The following PHKB variants were observed in gnomAD, a reference collection of about 807,000 sequenced individuals.
PHKB encodes phosphorylase b kinase regulatory subunit beta.
Under a neutral mutation model 152.1 loss-of-function variants are expected in PHKB, and 122 were observed. The observed-to-expected ratio is 0.80, with a 90% confidence interval of 0.69 to 0.93. The LOEUF (loss-of-function observed/expected upper bound fraction) is 0.93. Among genes scored for constraint, PHKB ranks in the 40% least tolerant of loss-of-function variants. The pLI is 0.00. For synonymous variants in PHKB, 436 were observed against 464.9 expected (o/e 0.94, Z 0.80); for missense variants, 1,304 against 1,328.4 (o/e 0.98, Z 0.29).
chr16:47,545,840 T>C (rs1359101999), intron 6 of PHKB, among the ~76,000 whole-genome samples: 1 of 152,240 alleles, frequency 6.6e-6, no homozygotes, highest in African/African-American at 2.4e-5. Context: ...TTCATTCATT[T>C]GATCTTCAAT....
At chr16:47,480,667 A>G (rs1388605498) in intron 1 of PHKB, among the ~76,000 whole-genome samples, 1 of 152,222 alleles carries the variant, frequency 6.6e-6, no homozygotes, top group South Asian at 2.1e-4. Context: ...AGTACCTTCA[A>G]TATCCATTGT....
At chr16:47,656,306 C>T (rs1052449561) in intron 20 of PHKB, among the ~76,000 whole-genome samples, 5 of 152,156 alleles carry the variant, frequency 3.3e-5, no homozygotes, top group Non-Finnish European at 5.9e-5. Context: ...CGTGAGCCAC[C>T]GCGCCTGGCC....
At chr16:47,588,268 A>T (rs1438799326) in intron 9 of PHKB, among the ~76,000 whole-genome samples, 1 of 151,796 alleles carries the variant, frequency 6.6e-6, no homozygotes, top group Non-Finnish European at 1.5e-5. Context: ...AGTTATTCAA[A>T]ACAACTCTTT....
chr16:47,629,224 G>A (rs1488666325), intron 14 of PHKB, among the ~76,000 whole-genome samples: 1 of 152,076 alleles, frequency 6.6e-6, no homozygotes, highest in Non-Finnish European at 1.5e-5. Context: ...ACCACCATCA[G>A]AGTGAACAGG....
intron 8 of PHKB, among the ~76,000 whole-genome samples, chr16:47,585,358 G>C (rs1197190197): frequency 2.0e-5 from 3 of 152,194 alleles, no homozygotes; most frequent in African/African-American, 7.2e-5. Context: ...GAATCTAAAA[G>C]GTAATGACTA....
chr16:47,678,282 C>G (rs1341636954), intron 26 of PHKB, among the ~76,000 whole-genome samples: 2 of 152,094 alleles, frequency 1.3e-5, no homozygotes, highest in Non-Finnish European at 2.9e-5. Flanking sequence ...TGGGTATATA[C>G]CCAGTAATGG....
chr16:47,650,563 A>C lies in PHKB; in HGVS notation c.1817A>C (p.Lys606Thr). Residue 606 changes from lysine (K) to threonine (T), a missense_variant, in exon 19 of 31, where the codon AAA becomes ACA. Transcript: ENST00000323584. The stretch of plus-strand genomic sequence containing the variant: ...TGACAGAATGCGCTGCAGTTCATTA[A>C]ACAATATTGGAAAATGCATGGACGT... ...DDIKNALQFI[K>T]QYWKMHGRPL... 1 of 1,606,362 alleles carries C rather than the reference A, an allele frequency of 6.2e-7. No homozygotes were observed.
At chr16:47,691,571 G>A (rs559105789) in intron 27 of PHKB, among the ~76,000 whole-genome samples, 129 of 152,162 alleles carry the variant, frequency 8.5e-4, no homozygotes, top group African/African-American at 2.9e-3. Context: ...TGGATGTGGC[G>A]GCACATGCCT....
intron 14 of PHKB, among the ~76,000 whole-genome samples, chr16:47,632,279 C>G (rs1264463392): frequency 1.3e-5 from 2 of 152,128 alleles, no homozygotes; most frequent in African/African-American, 2.4e-5. Flanking sequence ...GTAACCATAA[C>G]CATTTCCAGA....
At chr16:47,586,915 G>A (rs1971943933) in intron 8 of PHKB, among the ~76,000 whole-genome samples, 2 of 150,822 alleles carry the variant, frequency 1.3e-5, no homozygotes, top group African/African-American at 4.9e-5. Flanking sequence ...TTTCTTACTT[G>A]AAATATATAT....
At position 47,659,361 on chromosome 16, in the gene PHKB, T is replaced by C. The variant is rs533043427; in HGVS notation, c.1972-1145T>C. On this transcript the variant is annotated intron_variant, in intron 20 of 30. Coordinates refer to ENST00000323584, the MANE Select transcript of PHKB (RefSeq NM_000293.3). ...ACATTTGAGATGAACAGTGAGAAAA[T>C]AGAGAAAATAATATATGTTATAAAT... 4.0e-3 allele frequency among the ~76,000 whole-genome samples: 603 copies of C among 152,218 alleles called. 5 individuals carry two copies. Among genetic ancestry groups the C allele is most frequent in the Non-Finnish European group, 4.9e-3 (336 of 67,988 alleles).
intron 13 of PHKB, among the ~76,000 whole-genome samples, chr16:47,599,516 C>T (rs1053865362): frequency 6.6e-6 from 1 of 152,036 alleles, no homozygotes; most frequent in African/African-American, 2.4e-5. Flanking sequence ...TTGAACTTTC[C>T]GTAATAAATG....
intron 7 of PHKB, among the ~76,000 whole-genome samples, chr16:47,569,633 A>G (rs1971624556): frequency 6.6e-6 from 1 of 151,826 alleles, no homozygotes; most frequent in South Asian, 2.1e-4. Flanking sequence ...ATATGTATTT[A>G]TTTGTTGGGA....
chr16:47,524,889 A>G (rs73549315), intron 6 of PHKB, among the ~76,000 whole-genome samples: 10,721 of 152,206 alleles, frequency 0.07, 627 homozygotes, highest in African/African-American at 0.16. Flanking sequence ...TCTTTTTACT[A>G]TATCATGAAA....
intron 6 of PHKB, among the ~76,000 whole-genome samples, chr16:47,546,709 C>T (rs540530274): frequency 2.6e-5 from 4 of 152,294 alleles, no homozygotes; most frequent in Admixed American, 2.0e-4. Flanking sequence ...GCCATGCCCC[C>T]ACAAGTGGAG....
intron 6 of PHKB, among the ~76,000 whole-genome samples, chr16:47,522,755 T>G (rs1054419016): frequency 6.6e-6 from 1 of 151,918 alleles, no homozygotes; most frequent in Admixed American, 6.5e-5. Flanking sequence ...TTCATCTCAA[T>G]GTGTTTTTTG....
intron 13 of PHKB, among the ~76,000 whole-genome samples, chr16:47,601,051 C>T (rs1597115787): frequency 1.3e-5 from 2 of 152,122 alleles, no homozygotes; most frequent in South Asian, 2.1e-4. Context: ...AGGCTAGTCT[C>T]GAACTCCTGA....
In PHKB at chr16:47,577,863, G is replaced by C. The variant is rs887301422; in HGVS notation, c.711-2432G>C. Reference sequence around the variant, plus strand: ...ATTTATTCTGTTTGTGTTTCACTCAGCTTCTTGAATCTGTAGGTTTATGGC... The same window carrying C: ...ATTTATTCTGTTTGTGTTTCACTCACCTTCTTGAATCTGTAGGTTTATGGC... On this transcript the variant is annotated intron_variant, in intron 7 of 30. Transcript: ENST00000323584. Among the ~76,000 whole-genome samples, 18 of 152,084 alleles carry C rather than the reference G, an allele frequency of 1.2e-4. 1 individual carries two copies. The highest frequency in any genetic ancestry group is 9.2e-4 in the Admixed American group (14 of 15,264).
chr16:47,658,885 A>G lies in PHKB; in HGVS notation c.1972-1621A>G, dbSNP rs114434630. On this transcript the variant is annotated intron_variant, in intron 20 of 30. Transcript: ENST00000323584. The stretch of plus-strand genomic sequence containing the variant: ...TATTGTCTATCCCCTACACATACCT[A>G]TAAGAACAGTTTCAAGAAGGCAAGA... Among the ~76,000 whole-genome samples the G allele has an allele frequency of 3.5e-3, 528 of 152,030 alleles. 2 individuals are homozygous for G. The highest frequency in any genetic ancestry group is 0.012 in the African/African-American group (504 of 41,458).
Sources: gnomAD v4.1 joint callset for allele counts (sites outside exome capture counted in the v4.1 genomes callset) on GRCh38, gnomAD v4.1.1 for gene constraint, MANE v1.5 for transcripts, NCBI Gene and HGNC (gene_info 2026-07-23, HGNC 2026-07-21) for gene names.